Variants in WDR37 observed in about 807,000 individuals in gnomAD.
WDR37 encodes the protein WD repeat domain 37, also known as WD repeat-containing protein 37.
WDR37 carries 19 observed loss-of-function variants against 62.9 expected under a neutral mutation model. That is an observed-to-expected ratio of 0.30 (90% CI 0.21 to 0.44). The LOEUF (loss-of-function observed/expected upper bound fraction) is 0.44. Among genes scored for constraint, WDR37 ranks in the 20% least tolerant of loss-of-function variants. The pLI, the probability that WDR37 is intolerant of heterozygous loss-of-function variation, is 1.00. For missense variants in WDR37, 474 were observed against 657.6 expected (o/e 0.72, Z 3.05); for synonymous variants, 250 against 260.9 (o/e 0.96, Z 0.40).
At chr10:1,074,257 G>GT (rs1337967410) in intron 2 of WDR37, 7 of 1,096,240 alleles carry the variant, frequency 6.4e-6, no homozygotes, top group Non-Finnish European at 8.2e-6. Context: ...CTGCTGGCAT[G>GT]TTCTAGAGTT....
intron 11 of WDR37, among the ~76,000 whole-genome samples, chr10:1,110,093 C>T (rs760088010): frequency 2.6e-5 from 4 of 152,162 alleles, no homozygotes; most frequent in Non-Finnish European, 5.9e-5. Context: ...CATGAACTAG[C>T]GTATCTTGTT....
At chr10:1,126,471 G>A (rs923008342) in intron 13 of WDR37, among the ~76,000 whole-genome samples, 11 of 152,064 alleles carry the variant, frequency 7.2e-5, no homozygotes, top group African/African-American at 2.4e-4. Flanking sequence ...CGTAATGGAG[G>A]CCCCCCCAGA....
intron 3 of WDR37, among the ~76,000 whole-genome samples, chr10:1,079,714 C>A (rs1047826380): frequency 4.6e-5 from 7 of 151,812 alleles, no homozygotes; most frequent in African/African-American, 1.7e-4. Context: ...TTTGTATTTT[C>A]AGTAGAGACA....
At chr10:1,102,242 G>A (rs571291809) in intron 9 of WDR37, among the ~76,000 whole-genome samples, 15 of 141,622 alleles carry the variant, frequency 1.1e-4, no homozygotes, top group Admixed American at 4.3e-4. Flanking sequence ...GTGCGATCCC[G>A]TGCCGCTGTG....
chr10:1,062,625 GT>G (rs1833410159), intron 1 of WDR37, among the ~76,000 whole-genome samples: 3 of 152,028 alleles, frequency 2.0e-5, no homozygotes, highest in Admixed American at 2.0e-4. Context: ...CAAAGTAACT[GT>G]TTTATGTTGT....
intron 8 of WDR37, 137 bp from the exon 9 acceptor site, chr10:1,096,033 T>G (rs1834562883): frequency 1.4e-6 from 1 of 712,408 alleles, no homozygotes; most frequent in Admixed American, 2.5e-5. Context: ...GTTATTTAAG[T>G]AAAAAGTACA....
At chr10:1,077,425 CGAGTGATGGGA>C (rs1460312442) in intron 2 of WDR37, among the ~76,000 whole-genome samples, 19 of 151,952 alleles carry the variant, frequency 1.3e-4, no homozygotes, top group Non-Finnish European at 5.9e-5. Flanking sequence ...GGTGTTATGT[CGAGTGATGGGA>C]GAGTGACTGT....
chr10:1,057,357 C>G (rs1018017006), intron 1 of WDR37, among the ~76,000 whole-genome samples: 2 of 88,606 alleles, frequency 2.3e-5, no homozygotes, highest in African/African-American at 8.8e-5. Context: ...CCCGGGGTCT[C>G]TCCCCGCCCC....
Position 1,107,541 on chromosome 10 carries a change from C to G in WDR37, c.1103+2274C>G, listed in dbSNP as rs1480162319. Among the ~76,000 whole-genome samples, 12 of 151,980 alleles carry G rather than the reference C, an allele frequency of 7.9e-5. No individual in the cohort carries two copies. The East Asian group carries it at 2.3e-3, about 29-fold the overall frequency. ...CTGTTGTATTGCAGCACTGCTGTCT[C>G]TTTACACATGTGTACACACCTCTCT... On this transcript the variant is annotated intron_variant, in intron 11 of 13. Transcript: ENST00000263150.
chr10:1,128,477 T>C (rs1418130961), intron 13 of WDR37, among the ~76,000 whole-genome samples: 3 of 152,280 alleles, frequency 2.0e-5, no homozygotes, highest in African/African-American at 7.2e-5. Context: ...GGCAGGAATC[T>C]ACCTAAAAGG....
intron 11 of WDR37, among the ~76,000 whole-genome samples, chr10:1,106,170 G>A (rs896528958): frequency 1.3e-5 from 2 of 152,118 alleles, no homozygotes; most frequent in African/African-American, 4.8e-5. Context: ...TGATGAGACC[G>A]TCTGCCCAGT....
At chr10:1,074,018 T>C (rs1382872059) in intron 2 of WDR37, among the ~76,000 whole-genome samples, 1 of 152,228 alleles carries the variant, frequency 6.6e-6, no homozygotes, top group Non-Finnish European at 1.5e-5. Flanking sequence ...CTGTATCTGC[T>C]GTCTGATGTG....
Position 1,130,638 on chromosome 10 carries a change from C to T in WDR37, c.*1294C>T, listed in dbSNP as rs1835930315. The T allele has an allele frequency of 6.6e-6, 1 of 152,254 alleles. No homozygotes were observed. The highest frequency in any genetic ancestry group is 1.5e-5 in the Non-Finnish European group (1 of 68,052). The allele number at this position is 152,254 out of a possible 1,614,324, so 9.4% of individuals were successfully genotyped here. On this transcript the variant is annotated 3_prime_UTR_variant, in exon 14 of 14. Transcript: ENST00000263150. ...GTATATTCAGTCCTTTCAATACGTC[C>T]ACCTGGAGGCTCACCACTTGGAGAG...
At chr10:1,086,219 T>C (rs1048882122) in intron 6 of WDR37, 67 bp from the exon 7 acceptor site, 47 of 1,332,572 alleles carry the variant, frequency 3.5e-5, no homozygotes, top group Non-Finnish European at 4.7e-5. Flanking sequence ...ATTTGTCTTA[T>C]TCTTTCATTT....
chr10:1,080,660 C>T (rs982911908), intron 5 of WDR37, among the ~76,000 whole-genome samples, 184 bp downstream of exon 5: 2 of 152,250 alleles, frequency 1.3e-5, no homozygotes, highest in Admixed American at 6.5e-5. Flanking sequence ...AATCCCAGCA[C>T]TTTGGGAGGC....
chr10:1,126,365 C>T (rs1024504931), intron 13 of WDR37, among the ~76,000 whole-genome samples: 4 of 149,034 alleles, frequency 2.7e-5, no homozygotes, highest in Non-Finnish European at 4.4e-5. Flanking sequence ...GAGATCGCGC[C>T]ACTGCACTCC....
At chr10:1,063,083 TAAA>T (rs57894038) in intron 1 of WDR37, among the ~76,000 whole-genome samples, 6 of 137,600 alleles carry the variant, frequency 4.4e-5, no homozygotes, top group Non-Finnish European at 6.4e-5. Flanking sequence ...GACACTCTGT[TAAA>T]AAAAAAAAAA....
chr10:1,075,833 G>A (rs1391103072), intron 2 of WDR37, among the ~76,000 whole-genome samples: 1 of 150,552 alleles, frequency 6.6e-6, no homozygotes, highest in African/African-American at 2.4e-5. Context: ...CCAGGCTAGA[G>A]TGCGGTACTG....
At chr10:1,107,964 T>G (rs991688754) in intron 11 of WDR37, among the ~76,000 whole-genome samples, 1 of 152,220 alleles carries the variant, frequency 6.6e-6, no homozygotes, top group South Asian at 2.1e-4. Flanking sequence ...ATCCTTCACC[T>G]AGGTTCACCT....
Sources: allele counts gnomAD v4.1 joint callset (sites outside exome capture counted in the v4.1 genomes callset), GRCh38; gene constraint gnomAD v4.1.1; transcripts MANE v1.5; gene names NCBI Gene and HGNC (gene_info 2026-07-23, HGNC 2026-07-21).